TMEM131: variants seen among roughly 807,000 people sequenced by gnomAD.
TMEM131 encodes the protein transmembrane protein 131.
Under a neutral mutation model 211.6 loss-of-function variants are expected in TMEM131, and 66 were observed. That is an observed-to-expected ratio of 0.31 (90% CI 0.26 to 0.38). The LOEUF is 0.38. TMEM131 is among the 10% of genes least tolerant of loss of function. TMEM131 has a pLI of 1.00. For missense variants in TMEM131, 2,036 were observed against 2,299.3 expected, an observed-to-expected ratio of 0.89 and a Z score of 2.34; for synonymous variants, 844 against 841.3, an observed-to-expected ratio of 1.00 and a Z score of -0.06.
At chr2:97,926,522 C>A (rs930997700) in intron 2 of TMEM131, among the ~76,000 whole-genome samples, 1 of 152,152 alleles carries the variant, frequency 6.6e-6, no homozygotes, top group African/African-American at 2.4e-5. Context: ...TATATAGCAT[C>A]TCAATATTAG....
chr2:97,770,581 C>G (rs992420183), intron 33 of TMEM131, among the ~76,000 whole-genome samples: 2 of 152,160 alleles, frequency 1.3e-5, no homozygotes, highest in Non-Finnish European at 2.9e-5. Flanking sequence ...GACACTCAAG[C>G]GACGTCTTTG....
chr2:97,850,465 G>T (rs940834623), intron 5 of TMEM131, among the ~76,000 whole-genome samples: 1 of 152,082 alleles, frequency 6.6e-6, no homozygotes, highest in South Asian at 2.1e-4. Context: ...ATGTTTCCTT[G>T]GTAGTGTTGA....
At chr2:97,805,875 CA>C (rs1559370926) in intron 19 of TMEM131, among the ~76,000 whole-genome samples, 172 bp from the exon 20 acceptor site, 1 of 152,152 alleles carries the variant, frequency 6.6e-6, no homozygotes, top group South Asian at 2.1e-4. Context: ...AAAACCTCAC[CA>C]AAAAACTTTT....
chr2:97,901,572 A>G (rs559712431), intron 3 of TMEM131, among the ~76,000 whole-genome samples: 22 of 152,268 alleles, frequency 1.4e-4, no homozygotes, highest in Admixed American at 1.4e-3. Flanking sequence ...AAATAGGTAT[A>G]TATTAAACAC....
chr2:97,795,164 A>G, intron 28 of TMEM131, 49 bp from the exon 29 acceptor site: 1 of 1,418,748 alleles, frequency 7.0e-7, no homozygotes, highest in South Asian at 1.3e-5. Context: ...ATATCTCACA[A>G]GCAGTCTGCA....
chr2:97,786,097 T>G (rs915410265), intron 31 of TMEM131, among the ~76,000 whole-genome samples: 1 of 152,214 alleles, frequency 6.6e-6, no homozygotes, highest in African/African-American at 2.4e-5. Context: ...TTCTGTGTCT[T>G]GGCTGTATCA....
chr2:97,792,653 G>A lies in TMEM131; in HGVS notation c.3877C>T (p.His1293Tyr), dbSNP rs1358232673. 1.9e-5 allele frequency: 31 copies of A among 1,613,846 alleles called. No homozygotes were observed. The highest frequency in any genetic ancestry group is 1.6e-4 in the Middle Eastern group (1 of 6,082). The change falls in exon 31 of 41, where the codon CAT becomes TAT. Residue 1293 changes from histidine (H) to tyrosine (Y), a missense_variant. Physicochemically the swap from His to Tyr is moderately conservative, Grantham distance 83. This residue lies in a region of TMEM131 where 1,623 missense variants were observed against 1,805.9 expected (regional missense o/e 0.90). Coordinates refer to ENST00000186436, the MANE Select transcript of TMEM131 (RefSeq NM_015348.2). Reference protein sequence around the residue: ...AKQSQHGSQHHAHSPLEQHPQ... With the variant: ...AKQSQHGSQHYAHSPLEQHPQ... ...TGCTGCTCCAGCGGGCTGTGGGCAT[G>A]GTGCTGGCTGCCGTGCTGGCTCTGC...
intron 31 of TMEM131, among the ~76,000 whole-genome samples, chr2:97,780,308 AT>A (rs1285830450): frequency 6.6e-6 from 1 of 152,070 alleles, no homozygotes; most frequent in Non-Finnish European, 1.5e-5. Context: ...GTAGGAATGG[AT>A]TCTACTTCTA....
intron 13 of TMEM131, 135 bp from the exon 14 acceptor site, chr2:97,814,523 A>C: frequency 1.1e-6 from 1 of 895,394 alleles, no homozygotes; most frequent in African/African-American, 1.7e-5. Context: ...GAACTATAAT[A>C]TTTTAGTGAT....
intron 4 of TMEM131, 138 bp from the exon 5 acceptor site, chr2:97,859,565 A>G: frequency 1.2e-6 from 1 of 814,604 alleles, no homozygotes; most frequent in Non-Finnish European, 1.8e-6. Flanking sequence ...TATATTTAAA[A>G]TTACACATAA....
At chr2:97,922,316 C>T (rs1234180659) in intron 2 of TMEM131, among the ~76,000 whole-genome samples, 5 of 152,108 alleles carry the variant, frequency 3.3e-5, no homozygotes, top group East Asian at 1.9e-4. Context: ...GGCCACAGAC[C>T]GGTACTGGTC....
chr2:97,879,101 GCA>G (rs1258241142), intron 4 of TMEM131, among the ~76,000 whole-genome samples: 3 of 152,186 alleles, frequency 2.0e-5, no homozygotes. Context: ...CAGAGAGAAG[GCA>G]GTTTCCACCC....
At chr2:97,801,372 A>G (rs1573381711) in intron 25 of TMEM131, among the ~76,000 whole-genome samples, 1 of 152,222 alleles carries the variant, frequency 6.6e-6, no homozygotes, top group East Asian at 1.9e-4. Flanking sequence ...TAAATAATAG[A>G]AAATAGTTTG....
At chr2:97,824,251 C>A (rs1476714334) in intron 11 of TMEM131, among the ~76,000 whole-genome samples, 1 of 152,244 alleles carries the variant, frequency 6.6e-6, no homozygotes, top group African/African-American at 2.4e-5. Flanking sequence ...AGCCCCCAAC[C>A]AGATAATCCA....
At chr2:97,847,181 C>T (rs1196800572) in intron 5 of TMEM131, among the ~76,000 whole-genome samples, 1 of 146,322 alleles carries the variant, frequency 6.8e-6, no homozygotes, top group Non-Finnish European at 1.5e-5. Context: ...GAGTGAGATT[C>T]GGTCTCAAAA....
At chr2:97,991,354 C>T (rs1193199932) in intron 1 of TMEM131, among the ~76,000 whole-genome samples, 12 of 152,112 alleles carry the variant, frequency 7.9e-5, no homozygotes, top group Admixed American at 7.2e-4. Flanking sequence ...TGGCGAAAGG[C>T]GGTAGGAGAG....
chr2:97,759,263 A>G (rs949500445), intron 39 of TMEM131: 15 of 599,532 alleles, frequency 2.5e-5, no homozygotes, highest in Non-Finnish European at 3.8e-5. Context: ...GCCACCAATG[A>G]CATCCAAATG....
chr2:97,970,837 C>A (rs1389887720), intron 1 of TMEM131, among the ~76,000 whole-genome samples: 2 of 152,110 alleles, frequency 1.3e-5, no homozygotes, highest in Admixed American at 6.6e-5. Flanking sequence ...CAGAACGCAG[C>A]AGAAGAGAAG....
At chr2:97,848,027 T>A (rs1683530243) in intron 5 of TMEM131, among the ~76,000 whole-genome samples, 1 of 152,188 alleles carries the variant, frequency 6.6e-6, no homozygotes, top group African/African-American at 2.4e-5. Context: ...ATTCATAGTA[T>A]CTAATTCTAA....
Sources: gnomAD v4.1 joint callset for allele counts (sites outside exome capture counted in the v4.1 genomes callset) on GRCh38, gnomAD v4.1.1 for gene constraint, gnomAD v4.1.1 regional missense constraint, MANE v1.5 for transcripts, NCBI Gene and HGNC (gene_info 2026-07-23, HGNC 2026-07-21) for gene names.